CALCRL: variants seen among roughly 807,000 people sequenced by gnomAD.
The protein encoded by CALCRL is calcitonin gene-related peptide type 1 receptor.
A neutral mutation model predicts 60.4 loss-of-function variants in CALCRL; 27 were observed. That is an observed-to-expected ratio of 0.45 (90% CI 0.33 to 0.62). The LOEUF (loss-of-function observed/expected upper bound fraction) is 0.62. Ranked by LOEUF, CALCRL falls within the 20% of genes least tolerant of loss-of-function variation. The pLI is 0.03. For missense variants in CALCRL, 424 were observed against 540.7 expected (o/e 0.78, Z 2.14); for synonymous variants, 190 against 182.6 (o/e 1.04, Z -0.33).
At chr2:187,346,963 A>C (rs1686303534) in intron 14 of CALCRL, among the ~76,000 whole-genome samples, 1 of 151,864 alleles carries the variant, frequency 6.6e-6, no homozygotes, top group African/African-American at 2.4e-5. Context: ...AGCTTACTAC[A>C]TAGAGGAAAG....
intron 14 of CALCRL, among the ~76,000 whole-genome samples, chr2:187,346,807 A>G (rs1159422232): frequency 6.6e-6 from 1 of 150,670 alleles, no homozygotes; most frequent in South Asian, 2.1e-4. Context: ...AAAGATACAC[A>G]AAAGAAAAGA....
intron 1 of CALCRL, among the ~76,000 whole-genome samples, chr2:187,389,186 C>T (rs986762400): frequency 1.3e-5 from 2 of 151,608 alleles, no homozygotes; most frequent in African/African-American, 2.4e-5. Context: ...GATTTGCCTG[C>T]CTCAGTCTCT....
At chr2:187,422,540 C>G (rs1298048769) in intron 1 of CALCRL, among the ~76,000 whole-genome samples, 1 of 152,044 alleles carries the variant, frequency 6.6e-6, no homozygotes, top group African/African-American at 2.4e-5. Flanking sequence ...TGCTTTGGGG[C>G]ATTGTGCAAG....
At chr2:187,378,864 G>T (rs562807760) in intron 8 of CALCRL, 76 bp downstream of exon 8, 216 of 767,218 alleles carry the variant, frequency 2.8e-4, no homozygotes, top group Non-Finnish European at 4.2e-4. Context: ...TGTCAGACAT[G>T]ATGTAAATAT....
chr2:187,346,455 G>A, intron 14 of CALCRL, 56 bp from the exon 15 acceptor site: 1 of 1,284,770 alleles, frequency 7.8e-7, no homozygotes. Flanking sequence ...TTGAAATGAA[G>A]ACACTGTTTT....
intron 1 of CALCRL, among the ~76,000 whole-genome samples, chr2:187,434,470 TA>T: frequency 6.6e-6 from 1 of 152,230 alleles, no homozygotes; most frequent in East Asian, 1.9e-4. Context: ...TAGCAACAAT[TA>T]AAAAGTTTGA....
chr2:187,443,031 T>C (rs1442792664), intron 1 of CALCRL, among the ~76,000 whole-genome samples: 1 of 151,918 alleles, frequency 6.6e-6, no homozygotes, highest in Admixed American at 6.6e-5. Flanking sequence ...CAATAATTTT[T>C]GTTTAATATA....
intron 1 of CALCRL, among the ~76,000 whole-genome samples, chr2:187,394,744 T>C (rs1294404316): frequency 1.3e-5 from 2 of 152,022 alleles, no homozygotes; most frequent in Non-Finnish European, 2.9e-5. Context: ...CTTCCTGTTT[T>C]CTGTTGCATA....
At chr2:187,403,074 A>G (rs1424209222) in intron 1 of CALCRL, among the ~76,000 whole-genome samples, 3 of 151,678 alleles carry the variant, frequency 2.0e-5, no homozygotes, top group Non-Finnish European at 4.4e-5. Context: ...CTGGCACCCT[A>G]ATTTCAGACT....
chr2:187,425,316 GT>G (rs1296161762), intron 1 of CALCRL, among the ~76,000 whole-genome samples: 1 of 151,906 alleles, frequency 6.6e-6, no homozygotes, highest in Non-Finnish European at 1.5e-5. Context: ...TAATAGTCAT[GT>G]CACAAATATA....
rs531642244 is a variant in CALCRL, at chr2:187,440,214, C to T, written c.-293+7825G>A. Among the ~76,000 whole-genome samples, 7 of 149,962 alleles carry T rather than the reference C, an allele frequency of 4.7e-5. No homozygotes were observed. In the East Asian group the frequency reaches 7.8e-4, roughly 17 times the overall value. ...ATTAGGTTGAACTAAAATGTCCAGA[C>T]GAAAAAAAAAAGCATGTCTGTTATA... On this transcript the variant is annotated intron_variant, in intron 1 of 14. Transcript: ENST00000392370.
chr2:187,388,732 T>C (rs915347399), intron 1 of CALCRL, among the ~76,000 whole-genome samples: 17 of 152,174 alleles, frequency 1.1e-4, no homozygotes, highest in Admixed American at 1.0e-3. Flanking sequence ...ATATATTTTA[T>C]TTTAAATTGA....
intron 1 of CALCRL, among the ~76,000 whole-genome samples, chr2:187,435,867 TGC>T (rs1553516615): frequency 0.017 from 2,315 of 138,294 alleles, 40 homozygotes; most frequent in African/African-American, 0.043. Context: ...TGTTTGTGCG[TGC>T]GTGTGTGTGT....
At chr2:187,423,617 G>T (rs1339276493) in intron 1 of CALCRL, among the ~76,000 whole-genome samples, 1 of 151,982 alleles carries the variant, frequency 6.6e-6, no homozygotes, top group Non-Finnish European at 1.5e-5. Flanking sequence ...AATTGTGTGT[G>T]TGATAGTGTT....
At chr2:187,417,970 G>A (rs552138814) in intron 1 of CALCRL, among the ~76,000 whole-genome samples, 19 of 152,032 alleles carry the variant, frequency 1.2e-4, no homozygotes, top group Admixed American at 5.9e-4. Context: ...CATCAATATC[G>A]CCTACATTTT....
intron 8 of CALCRL, among the ~76,000 whole-genome samples, chr2:187,375,968 A>G (rs1049981103): frequency 2.0e-5 from 3 of 152,220 alleles, no homozygotes; most frequent in African/African-American, 7.2e-5. Flanking sequence ...AATACAGTTT[A>G]TGTGTGTAGA....
intron 1 of CALCRL, among the ~76,000 whole-genome samples, chr2:187,402,206 T>G (rs148440282): frequency 6.6e-6 from 1 of 151,704 alleles, no homozygotes; most frequent in African/African-American, 2.4e-5. Flanking sequence ...ATTCAAACAT[T>G]TATTTAAAAC....
chr2:187,385,449 T>C, intron 4 of CALCRL, 96 bp downstream of exon 4: 1 of 657,238 alleles, frequency 1.5e-6, no homozygotes, highest in South Asian at 2.1e-5. Flanking sequence ...AAAATGTAAC[T>C]AATTTCTGTA....
At chr2:187,440,597 G>T (rs1301928372) in intron 1 of CALCRL, among the ~76,000 whole-genome samples, 1 of 152,100 alleles carries the variant, frequency 6.6e-6, no homozygotes, top group African/African-American at 2.4e-5. Flanking sequence ...CAGGAAAGTT[G>T]AGAACTTGCT....
Sources: gnomAD v4.1 joint callset for allele counts (sites outside exome capture counted in the v4.1 genomes callset) on GRCh38, gnomAD v4.1.1 for gene constraint, MANE v1.5 for transcripts, NCBI Gene and HGNC (gene_info 2026-07-23, HGNC 2026-07-21) for gene names.